CD96: variants seen among roughly 807,000 people sequenced by gnomAD.
The protein encoded by CD96 is T-cell surface protein tactile.
Under a neutral mutation model 71.3 loss-of-function variants are expected in CD96, and 70 were observed. That is an observed-to-expected ratio of 0.98 (90% CI 0.81 to 1.20). CD96 has a LOEUF of 1.20. CD96 is among the 50% of genes most tolerant of loss of function. The probability of loss-of-function intolerance (pLI) is 0.00; values close to 1 mark genes in which losing one functional copy is unlikely to be tolerated. For missense variants in CD96, 742 were observed against 677.5 expected, an observed-to-expected ratio of 1.10 and a Z score of -1.06; for synonymous variants, 248 against 233.0, an observed-to-expected ratio of 1.06 and a Z score of -0.59.
In CD96 at chr3:111,622,732, T is replaced by A. The variant is rs1321407478; in HGVS notation, c.1181-1022T>A. Among the ~76,000 whole-genome samples the A allele has an allele frequency of 3.9e-5, 6 of 152,254 alleles. No homozygotes were observed. The East Asian group carries it at 1.2e-3, about 29-fold the overall frequency. On this transcript the variant is annotated intron_variant, in intron 8 of 13. Transcript: ENST00000352690. ...TACTTTACACAATTATACAGCATTC[T>A]TTTTATGAAGATCTGGGGAAAAGTT...
chr3:111,642,350 A>T (rs1939631095), intron 12 of CD96, among the ~76,000 whole-genome samples: 1 of 152,246 alleles, frequency 6.6e-6, no homozygotes, highest in African/African-American at 2.4e-5. Context: ...AAGATCATTC[A>T]AGGCTATTGT....
At chr3:111,579,749 CCATTAATCCATGAATGGATTAAT>C (rs909927241) in intron 4 of CD96, among the ~76,000 whole-genome samples, 9 of 152,004 alleles carry the variant, frequency 5.9e-5, no homozygotes, top group Admixed American at 1.3e-4. Context: ...CTCCAGTAAC[CCATTAATCCATGAATGGATTAAT>C]CTTATTCATA....
chr3:111,601,057 C>T (rs1371954033), intron 7 of CD96, 143 bp downstream of exon 7: 1 of 585,632 alleles, frequency 1.7e-6, no homozygotes, highest in African/African-American at 1.9e-5. Context: ...TTCAAGTTAT[C>T]AAACATTTTT....
intron 8 of CD96, among the ~76,000 whole-genome samples, chr3:111,607,770 C>T (rs933039019): frequency 6.6e-6 from 1 of 152,112 alleles, no homozygotes; most frequent in African/African-American, 2.4e-5. Flanking sequence ...TGCAAACCAC[C>T]CATCAAAAGT....
At chr3:111,593,489 G>A (rs1257749249) in intron 5 of CD96, 24 of 1,496,034 alleles carry the variant, frequency 1.6e-5, no homozygotes, top group Non-Finnish European at 2.0e-5. Flanking sequence ...AACTAAAATG[G>A]CTCTTTTCTA....
intron 1 of CD96, among the ~76,000 whole-genome samples, chr3:111,542,991 T>C (rs1417609745): frequency 1.3e-5 from 2 of 152,172 alleles, no homozygotes; most frequent in Admixed American, 6.5e-5. Flanking sequence ...ATGAAAATAT[T>C]AAGGAGAATT....
chr3:111,637,795 CTTTT>C (rs11326112), intron 11 of CD96, among the ~76,000 whole-genome samples: 2 of 142,730 alleles, frequency 1.4e-5, no homozygotes, highest in Non-Finnish European at 1.5e-5. Context: ...TATGGAGCTT[CTTTT>C]TTTTTTTTTT....
At chr3:111,619,215 C>T (rs566494228) in intron 8 of CD96, among the ~76,000 whole-genome samples, 44 of 152,264 alleles carry the variant, frequency 2.9e-4, no homozygotes, top group Admixed American at 5.2e-4. Context: ...CTGACTGGAG[C>T]TGTCTTCTAA....
intron 6 of CD96, among the ~76,000 whole-genome samples, chr3:111,598,782 A>C (rs939099445): frequency 3.3e-5 from 5 of 152,208 alleles, no homozygotes; most frequent in Non-Finnish European, 7.3e-5. Context: ...AGACAAGCTC[A>C]GGTGAAAATT....
chr3:111,617,041 G>C (rs766122561), intron 8 of CD96, among the ~76,000 whole-genome samples: 1 of 152,224 alleles, frequency 6.6e-6, no homozygotes, highest in Non-Finnish European at 1.5e-5. Context: ...GGCCAGGTGT[G>C]TGCACACTTG....
chr3:111,663,559 T>C (rs941126786), intron 14 of CD96, among the ~76,000 whole-genome samples: 1 of 152,058 alleles, frequency 6.6e-6, no homozygotes, highest in Admixed American at 6.5e-5. Flanking sequence ...ACAAAGGATA[T>C]GAACAGACAT....
chr3:111,617,885 T>C (rs562028341), intron 8 of CD96, among the ~76,000 whole-genome samples: 1 of 152,316 alleles, frequency 6.6e-6, no homozygotes, highest in East Asian at 1.9e-4. Context: ...ACCTAAGGCC[T>C]CCCAGGCCAG....
At chr3:111,617,079 C>T (rs574890284) in intron 8 of CD96, among the ~76,000 whole-genome samples, 1 of 152,366 alleles carries the variant, frequency 6.6e-6, no homozygotes, top group East Asian at 1.9e-4. Context: ...CAATCCCCCA[C>T]CTTGGCCCCC....
intron 12 of CD96, among the ~76,000 whole-genome samples, chr3:111,645,812 G>A (rs544103923): frequency 8.3e-4 from 126 of 152,250 alleles, no homozygotes; most frequent in African/African-American, 2.6e-3. Context: ...ACAGGGGTGA[G>A]AATCAGGAAG....
rs61265563 is a variant in CD96, at chr3:111,661,398, T to C, written c.*53-4129T>C. On this transcript the variant is annotated intron_variant and NMD_transcript_variant, in intron 14 of 14. Coordinates refer to the CD96 transcript ENST00000494798. ...TCACATTTCAAAATACAATCATGCC[T>C]TCCTAGCAGTCCCCAAAAGTCTTAA... Among the ~76,000 whole-genome samples, 226 of 152,314 alleles carry C rather than the reference T, an allele frequency of 1.5e-3. 1 individual carries two copies. Among genetic ancestry groups the C allele is most frequent in the African/African-American group, 5.1e-3 (212 of 41,558 alleles).
In CD96 at chr3:111,647,661, A is replaced by G. The variant is rs745693732; in HGVS notation, c.1596A>G (p.Lys532=). The G allele has an allele frequency of 4.0e-5, 64 of 1,604,988 alleles. No homozygotes were observed. The highest frequency in any genetic ancestry group is 5.4e-5 in the Non-Finnish European group (63 of 1,171,956). ...TGAGAAAATGGTGTCAGTACCAAAAAGAAATGTGAGTATAATACTAACATA... is the reference window on the plus strand; with the variant it reads ...TGAGAAAATGGTGTCAGTACCAAAAGGAAATGTGAGTATAATACTAACATA... ...LGVRKWCQYQ[K]EIMERPPPFK... The change falls in exon 13 of 14, where the codon AAA becomes AAG. Residue 532 remains lysine (K), a synonymous_variant. Transcript: ENST00000352690.
chr3:111,583,572 C>T (rs1936568662), intron 4 of CD96, among the ~76,000 whole-genome samples: 1 of 152,254 alleles, frequency 6.6e-6, no homozygotes, highest in South Asian at 2.1e-4. Flanking sequence ...GGTATTCAGA[C>T]ATTTCCATAA....
chr3:111,657,158 A>C (rs1940248954), downstream of CD96, among the ~76,000 whole-genome samples: 1 of 152,208 alleles, frequency 6.6e-6, no homozygotes, highest in South Asian at 2.1e-4. Context: ...CCAGGCTCAC[A>C]CCTGTAATCC....
chr3:111,660,976 T>C (rs1171143358), intron 14 of CD96, among the ~76,000 whole-genome samples: 1 of 152,164 alleles, frequency 6.6e-6, no homozygotes, highest in Non-Finnish European at 1.5e-5. Context: ...TTCTCACACC[T>C]ATAGAGACAT....
Sources: allele counts gnomAD v4.1 joint callset (sites outside exome capture counted in the v4.1 genomes callset), GRCh38; gene constraint gnomAD v4.1.1; transcripts MANE v1.5; gene names NCBI Gene and HGNC (gene_info 2026-07-23, HGNC 2026-07-21).